The following PTPRM variants were observed in gnomAD, a reference collection of about 807,000 sequenced individuals.
PTPRM encodes the protein protein tyrosine phosphatase receptor type M.
In PTPRM, 47 loss-of-function variants were observed where a neutral mutation model predicts 186.7. That is an observed-to-expected ratio of 0.25 (90% CI 0.20 to 0.32). PTPRM has a LOEUF of 0.32. PTPRM is among the 10% of genes least tolerant of loss of function. The pLI, the probability that PTPRM is intolerant of heterozygous loss-of-function variation, is 1.00. For missense variants in PTPRM, 1,494 were observed against 1,865.0 expected, an observed-to-expected ratio of 0.80 and a Z score of 3.66; for synonymous variants, 668 against 674.9, an observed-to-expected ratio of 0.99 and a Z score of 0.16.
chr18:8,071,827 A>G (rs923650627), intron 8 of PTPRM, among the ~76,000 whole-genome samples: 1 of 152,170 alleles, frequency 6.6e-6, no homozygotes, highest in Non-Finnish European at 1.5e-5. Flanking sequence ...AGTCTGTGTT[A>G]TTCACATCCC....
chr18:7,937,641 C>A (rs188728498), intron 5 of PTPRM, among the ~76,000 whole-genome samples: 489 of 152,320 alleles, frequency 3.2e-3, no homozygotes, highest in African/African-American at 0.011. Context: ...GAAGCAACAC[C>A]CCAAGGATCC....
At chr18:8,301,049 C>G (rs1027871604) in intron 20 of PTPRM, among the ~76,000 whole-genome samples, 1 of 152,172 alleles carries the variant, frequency 6.6e-6, no homozygotes, top group Non-Finnish European at 1.5e-5. Context: ...GTTCCACTGC[C>G]TGTAAAGTCT....
intron 19 of PTPRM, among the ~76,000 whole-genome samples, chr18:8,286,676 C>G (rs756498025): frequency 3.3e-5 from 5 of 152,164 alleles, no homozygotes; most frequent in Non-Finnish European, 7.4e-5. Flanking sequence ...AAGTTCCATA[C>G]AAGTGTTTGC....
chr18:8,265,460 G>A (rs1389820711), intron 19 of PTPRM, among the ~76,000 whole-genome samples: 1 of 152,224 alleles, frequency 6.6e-6, no homozygotes, highest in African/African-American at 2.4e-5. Flanking sequence ...GAAGAAGGGA[G>A]AAGAGAAGAA....
At chr18:7,649,708 G>C (rs150201425) in intron 1 of PTPRM, among the ~76,000 whole-genome samples, 4 of 152,200 alleles carry the variant, frequency 2.6e-5, no homozygotes, top group African/African-American at 9.6e-5. Flanking sequence ...CTGGGCAACA[G>C]AGTGAGACTC....
At chr18:8,339,070 A>G (rs1267224035) in intron 22 of PTPRM, among the ~76,000 whole-genome samples, 1 of 152,042 alleles carries the variant, frequency 6.6e-6, no homozygotes, top group East Asian at 1.9e-4. Context: ...GATTTTTGAT[A>G]TCTCTCACTT....
At chr18:7,780,308 G>A (rs959043200) in intron 2 of PTPRM, among the ~76,000 whole-genome samples, 1 of 152,178 alleles carries the variant, frequency 6.6e-6, no homozygotes, top group African/African-American at 2.4e-5. Context: ...GTTCAGAAAA[G>A]GAATACTTTA....
intron 13 of PTPRM, among the ~76,000 whole-genome samples, chr18:8,119,949 A>AT (rs201413130): frequency 0.011 from 1,690 of 152,296 alleles, 19 homozygotes; most frequent in Middle Eastern, 0.078. Context: ...ATAAAAGAGA[A>AT]TATCACCAAA....
At chr18:8,209,671 T>A (rs1461208258) in intron 14 of PTPRM, among the ~76,000 whole-genome samples, 1 of 152,062 alleles carries the variant, frequency 6.6e-6, no homozygotes, top group African/African-American at 2.4e-5. Context: ...ATAATCAATT[T>A]AAAATGAGGC....
intron 7 of PTPRM, among the ~76,000 whole-genome samples, chr18:8,037,647 C>T (rs559705234): frequency 6.6e-6 from 1 of 152,222 alleles, no homozygotes; most frequent in East Asian, 1.9e-4. Context: ...CTTTTAGTTT[C>T]CAATCCTCTG....
chr18:7,691,992 A>G (rs1436811729), intron 1 of PTPRM, among the ~76,000 whole-genome samples: 2 of 92,838 alleles, frequency 2.2e-5, no homozygotes, highest in Non-Finnish European at 4.4e-5. Flanking sequence ...GAGGATGGCT[A>G]GATCCCAGGA....
rs1044057836 is a variant in PTPRM, at chr18:7,774,196, T to A, written c.121T>A (p.Ser41Thr). Residue 41 changes from serine (S) to threonine (T), a missense_variant, in exon 2 of 33, where the codon TCT becomes ACT. By Grantham distance (58) the Ser-to-Thr change is moderately conservative (BLOSUM62 1). This residue lies in a region of PTPRM where 296 missense variants were observed against 345.5 expected (regional missense o/e 0.86). Coordinates refer to ENST00000580170, the MANE Select transcript of PTPRM (RefSeq NM_001105244.2). ...EPYSTCGYSQSEGDDFNWEQV... is the reference protein window; with the variant it reads ...EPYSTCGYSQTEGDDFNWEQV... The stretch of plus-strand genomic sequence containing the variant: ...GTATAGCACATGTGGATATAGTCAA[T>A]CTGAAGGTGATGACTTCAATTGGGA... 4 of 1,612,510 alleles carry A rather than the reference T, an allele frequency of 2.5e-6. No homozygotes were observed. Among genetic ancestry groups the A allele is most frequent in the Non-Finnish European group, 3.4e-6 (4 of 1,178,630 alleles).
intron 7 of PTPRM, among the ~76,000 whole-genome samples, chr18:8,067,443 A>C (rs1012737925): frequency 2.6e-5 from 4 of 152,248 alleles, no homozygotes; most frequent in Admixed American, 6.5e-5. Context: ...ATTTTGTAAT[A>C]GGGAACATTC....
intron 23 of PTPRM, among the ~76,000 whole-genome samples, chr18:8,366,395 T>A (rs181493988): frequency 1.3e-5 from 2 of 152,308 alleles, no homozygotes; most frequent in African/African-American, 4.8e-5. Context: ...CCTACCGAAT[T>A]TATTCAGAAT....
At chr18:7,953,558 T>G (rs984826678) in intron 6 of PTPRM, among the ~76,000 whole-genome samples, 9 of 152,190 alleles carry the variant, frequency 5.9e-5, no homozygotes, top group Non-Finnish European at 1.0e-4. Flanking sequence ...TGAAGGAAAA[T>G]TCATTCACAG....
At chr18:7,712,829 GA>G in intron 1 of PTPRM, among the ~76,000 whole-genome samples, 1 of 151,952 alleles carries the variant, frequency 6.6e-6, no homozygotes, top group Non-Finnish European at 1.5e-5. Flanking sequence ...AAAAAAGAAT[GA>G]AAAGGAACAA....
intron 1 of PTPRM, among the ~76,000 whole-genome samples, chr18:7,590,668 A>C (rs982153142): frequency 3.9e-5 from 6 of 152,230 alleles, no homozygotes; most frequent in Non-Finnish European, 8.8e-5. Context: ...AAGAATATTT[A>C]AGGGTGTGAG....
intron 4 of PTPRM, among the ~76,000 whole-genome samples, chr18:7,924,796 G>A (rs2051074254): frequency 6.6e-6 from 1 of 152,172 alleles, no homozygotes; most frequent in African/African-American, 2.4e-5. Context: ...TTTGAGAAAT[G>A]CCTTGAAAAT....
At chr18:7,835,300 A>G (rs757287184) in intron 2 of PTPRM, among the ~76,000 whole-genome samples, 5 of 151,564 alleles carry the variant, frequency 3.3e-5, no homozygotes, top group South Asian at 2.1e-4. Flanking sequence ...ATTTGTTTCA[A>G]TAAATTTTTT....
Sources: allele counts gnomAD v4.1 joint callset (sites outside exome capture counted in the v4.1 genomes callset), GRCh38; gene constraint gnomAD v4.1.1; regional missense constraint gnomAD v4.1.1; transcripts MANE v1.5; gene names NCBI Gene and HGNC (gene_info 2026-07-23, HGNC 2026-07-21).